Variants in EPS15 observed in about 807,000 individuals in gnomAD.
EPS15 encodes epidermal growth factor receptor pathway substrate 15.
In EPS15, 72 loss-of-function variants were observed where a neutral mutation model predicts 113.8. That is an observed-to-expected ratio of 0.63 (90% CI 0.52 to 0.77). The LOEUF (loss-of-function observed/expected upper bound fraction) is 0.77. Among genes scored for constraint, EPS15 ranks in the 30% least tolerant of loss-of-function variants. EPS15 has a pLI of 0.00. For synonymous variants in EPS15, 344 were observed against 363.4 expected (o/e 0.95, Z 0.61); for missense variants, 1,048 against 1,045.8 (o/e 1.00, Z -0.03).
chr1:51,367,128 A>T (rs1331855612), intron 21 of EPS15, among the ~76,000 whole-genome samples: 2 of 152,264 alleles, frequency 1.3e-5, no homozygotes, highest in Admixed American at 1.3e-4. Flanking sequence ...TGAATCTGGA[A>T]ACGGAGCAAA....
In EPS15 at chr1:51,354,649, CA is replaced by C. The variant is rs1281032193; in HGVS notation, c.*2050del. 1.1e-4 allele frequency: 19 copies of C among 171,080 alleles called. No individual in the cohort carries two copies. The highest frequency in any genetic ancestry group is 4.3e-4 in the African/African-American group (18 of 41,992). The allele number at this position is 171,080 out of a possible 1,614,324, so 10.6% of individuals were successfully genotyped here. On this transcript the variant is annotated 3_prime_UTR_variant, in exon 25 of 25. Coordinates refer to ENST00000371733, the MANE Select transcript of EPS15 (RefSeq NM_001981.3). ...CCAGAGTCAACAACATAAAATACCA[CA>C]AACGACTCTAAGACATTCATCCTAC...
intron 1 of EPS15, among the ~76,000 whole-genome samples, chr1:51,483,398 AGTGT>A (rs58892404): frequency 0.014 from 1,956 of 141,742 alleles, 17 homozygotes; most frequent in African/African-American, 0.022. Flanking sequence ...CAAGACTGCA[AGTGT>A]GTGTGTGTGT....
intron 16 of EPS15, among the ~76,000 whole-genome samples, chr1:51,405,091 C>T (rs931225299): frequency 2.0e-5 from 3 of 152,166 alleles, no homozygotes; most frequent in African/African-American, 7.2e-5. Context: ...AAGCTTTCCC[C>T]AACAAAATCT....
Position 51,355,723 on chromosome 1 carries a change from A to T in EPS15, c.*977T>A, listed in dbSNP as rs1184021512. The T allele has an allele frequency of 9.5e-5, 18 of 188,766 alleles. No homozygotes were observed. The highest frequency in any genetic ancestry group is 4.0e-4 in the African/African-American group (17 of 42,828). 11.7% of individuals were successfully genotyped at this position (188,766 alleles called of 1,614,324 possible). On this transcript the variant is annotated 3_prime_UTR_variant, in exon 25 of 25. Transcript: ENST00000371733. The stretch of plus-strand genomic sequence containing the variant: ...TAAATGAGCCTTCATTAAAAAAAAA[A>T]AAACAAATATATATGAAAAATTAAA...
chr1:51,482,997 G>A (rs997586144), intron 1 of EPS15, among the ~76,000 whole-genome samples: 1 of 152,076 alleles, frequency 6.6e-6, no homozygotes, highest in African/African-American at 2.4e-5. Context: ...TCAGTTGCTC[G>A]CCGTCAGAGT....
At chr1:51,386,839 C>A (rs1647090078) in intron 21 of EPS15, among the ~76,000 whole-genome samples, 1 of 152,144 alleles carries the variant, frequency 6.6e-6, no homozygotes, top group Non-Finnish European at 1.5e-5. Context: ...AAATCTACAT[C>A]TGATTGGTGT....
intron 21 of EPS15, among the ~76,000 whole-genome samples, chr1:51,376,722 C>T (rs1430668307): frequency 1.3e-5 from 2 of 152,172 alleles, no homozygotes; most frequent in East Asian, 1.9e-4. Flanking sequence ...ACCTAAGTCA[C>T]CCAGAGCTCT....
At chr1:51,409,244 T>C (rs368348341) in intron 14 of EPS15, among the ~76,000 whole-genome samples, 1 of 152,130 alleles carries the variant, frequency 6.6e-6, no homozygotes, top group South Asian at 2.1e-4. Flanking sequence ...TTTTGATGTA[T>C]GGTTTTCGTA....
At chr1:51,499,443 A>C (rs1215167486) in intron 1 of EPS15, among the ~76,000 whole-genome samples, 1 of 152,044 alleles carries the variant, frequency 6.6e-6, no homozygotes, top group Non-Finnish European at 1.5e-5. Context: ...ATTACTGTAC[A>C]AGTATGTGTT....
At chr1:51,364,507 T>C (rs1028012731) in intron 22 of EPS15, among the ~76,000 whole-genome samples, 1 of 151,842 alleles carries the variant, frequency 6.6e-6, no homozygotes, top group African/African-American at 2.4e-5. Flanking sequence ...TCAATTTTTT[T>C]TTTTTTTAAT....
Position 51,471,751 on chromosome 1 carries a change from G to A in EPS15, c.166-14C>T, listed in dbSNP as rs747615090. The A allele has an allele frequency of 6.3e-6, 10 of 1,586,796 alleles. No homozygotes were observed. Among genetic ancestry groups the A allele is most frequent in the Admixed American group, 1.7e-5 (1 of 59,318 alleles). On this transcript the variant is annotated splice_polypyrimidine_tract_variant and intron_variant, in intron 3 of 24. Transcript: ENST00000371733. Reference sequence around the variant, plus strand: ...TAAATCCCAAATCTGAAATTTAGGGGGAAAAAATATCAATGTATATTTTAA... The same window carrying A: ...TAAATCCCAAATCTGAAATTTAGGGAGAAAAAATATCAATGTATATTTTAA...
Position 51,394,411 on chromosome 1 carries a change from C to A in EPS15, c.2089G>T (p.Gly697Cys). Residue 697 changes from glycine to cysteine, a missense_variant, in exon 21 of 25, where the codon GGT becomes TGT. Transcript: ENST00000371733. ...TLKHNDPFAPGGTVVAASDSA... is the reference protein window; with the variant it reads ...TLKHNDPFAPCGTVVAASDSA... Reference sequence around the variant, plus strand: ...TCGCTTGCTGCAACAACTGTTCCACCAGGAGCAAAAGGATCATTGTGCTTC... The same window carrying A: ...TCGCTTGCTGCAACAACTGTTCCACAAGGAGCAAAAGGATCATTGTGCTTC... 2 of 1,601,404 alleles carry A rather than the reference C, an allele frequency of 1.2e-6. No homozygotes were observed. Among genetic ancestry groups the A allele is most frequent in the Non-Finnish European group, 1.7e-6 (2 of 1,171,720 alleles).
chr1:51,504,879 G>A (rs1644471474), intron 1 of EPS15, among the ~76,000 whole-genome samples: 1 of 152,144 alleles, frequency 6.6e-6, no homozygotes, highest in Non-Finnish European at 1.5e-5. Context: ...CCAGTGCTTT[G>A]GGCGGCCGAA....
chr1:51,461,054 A>T, intron 8 of EPS15, 37 bp downstream of exon 8: 1 of 1,333,566 alleles, frequency 7.5e-7, no homozygotes, highest in Non-Finnish European at 1.1e-6. Context: ...GAAAATCATT[A>T]AGATAATGAA....
chr1:51,469,814 G>A (rs1012978294), intron 4 of EPS15, among the ~76,000 whole-genome samples: 1 of 151,368 alleles, frequency 6.6e-6, no homozygotes, highest in Non-Finnish European at 1.5e-5. Context: ...TGATTAGCTA[G>A]AAAAACTACC....
chr1:51,518,347 T>A (rs933265969), intron 1 of EPS15: 2 of 152,704 alleles, frequency 1.3e-5, no homozygotes, highest in African/African-American at 4.8e-5. Context: ...TTGCTGAGGA[T>A]TCCCCCCAAG....
chr1:51,465,079 TACTGTCACAAAACA>T (rs1654747822), intron 6 of EPS15, among the ~76,000 whole-genome samples, 168 bp downstream of exon 6: 1 of 152,220 alleles, frequency 6.6e-6, no homozygotes, highest in Admixed American at 6.5e-5. Flanking sequence ...AGTAGACCGA[TACTGTCACAAAACA>T]ACTGACAGAG....
intron 4 of EPS15, among the ~76,000 whole-genome samples, chr1:51,470,230 C>T (rs1215813281): frequency 6.6e-6 from 1 of 152,196 alleles, no homozygotes; most frequent in African/African-American, 2.4e-5. Context: ...TAATACCTAC[C>T]TTGCAATGTA....
chr1:51,364,755 T>A (rs1007952477), intron 22 of EPS15, among the ~76,000 whole-genome samples: 2 of 152,158 alleles, frequency 1.3e-5, no homozygotes, highest in Admixed American at 6.5e-5. Flanking sequence ...CATCTCAGCC[T>A]CCCAAGATGC....
Sources: allele counts gnomAD v4.1 joint callset (sites outside exome capture counted in the v4.1 genomes callset), GRCh38; gene constraint gnomAD v4.1.1; transcripts MANE v1.5; gene names NCBI Gene and HGNC (gene_info 2026-07-23, HGNC 2026-07-21).